XKRX: variants seen among roughly 807,000 people sequenced by gnomAD.
The protein encoded by XKRX is XK related X-linked.
Under a neutral mutation model 22.4 loss-of-function variants are expected in XKRX, and 11 were observed. The ratio of observed to expected loss-of-function variants is 0.49; its 90% CI spans 0.31 to 0.81. XKRX has a LOEUF of 0.81. Among genes scored for constraint, XKRX ranks in the 40% least tolerant of loss-of-function variants. The pLI is 0.05. For missense variants in XKRX, 320 were observed against 336.5 expected (o/e 0.95, Z 0.38); for synonymous variants, 114 against 132.2 (o/e 0.86, Z 0.94).
chrX:100,931,183 G>A (rs183105629), upstream of XKRX, among the ~76,000 whole-genome samples: 180 of 107,299 alleles, frequency 1.7e-3, no homozygotes, highest in East Asian at 0.041. Flanking sequence ...GGAGAGTAAA[G>A]CTAAGAAGAA....
At chrX:100,957,386 T>C in the XKRX span, 1 of 1,207,449 alleles carries the variant, frequency 8.3e-7, no homozygotes, top group South Asian at 1.8e-5. Context: ...GCTGTGCTGA[T>C]GAGCTGACCC....
rs201871158 is a variant in XKRX at position 100,914,625 on chromosome X, C to T, written c.1063G>A (p.Val355Met). The T allele has an allele frequency of 5.8e-6, 7 of 1,211,929 alleles. No individual in the cohort carries two copies. The highest frequency in any genetic ancestry group is 5.6e-6 in the Non-Finnish European group (5 of 895,609). Residue 355 changes from valine (V) to methionine (M), a missense_variant, in exon 3 of 3, where the codon GTG becomes ATG. Transcript: ENST00000372956. ...ATGATCACATTCTCTACCAACCTCA[C>T]ACTATAGTGCAGGCCCATATGTCCC... ...NWGHMGLHYSVRLVENVIMVL... is the reference protein window; with the variant it reads ...NWGHMGLHYSMRLVENVIMVL...
chrX:100,924,467 T>C (rs983404628), intron 1 of XKRX, among the ~76,000 whole-genome samples: 1 of 111,561 alleles, frequency 9.0e-6, no homozygotes, highest in East Asian at 2.8e-4. Context: ...TTTCCTGCTC[T>C]GCCCCTCCCA....
the XKRX span, among the ~76,000 whole-genome samples, chrX:100,899,876 C>T: frequency 2.0e-4 from 22 of 111,562 alleles, no homozygotes; most frequent in African/African-American, 7.2e-4. Flanking sequence ...GAAAAATATC[C>T]CATGTTTATG....
chrX:100,888,003 C>T, the XKRX span: 35 of 1,078,934 alleles, frequency 3.2e-5, no homozygotes, highest in Middle Eastern at 7.0e-4. Context: ...GTTTCCAGAA[C>T]CACTTTGACC....
chrX:100,925,296 G>A (rs765829488), intron 1 of XKRX, among the ~76,000 whole-genome samples: 1 of 111,970 alleles, frequency 8.9e-6, no homozygotes, highest in South Asian at 3.8e-4. Context: ...TTTCATTTCG[G>A]AAGTATGCTT....
the XKRX span, among the ~76,000 whole-genome samples, chrX:100,892,728 G>A: frequency 8.9e-6 from 1 of 112,507 alleles, no homozygotes; most frequent in Non-Finnish European, 1.9e-5. Context: ...TACTGTTAGT[G>A]GGAATGTAAA....
chrX:100,910,585 T>TA (rs36011977), downstream of XKRX: 37,390 of 141,240 alleles, frequency 0.26, 3,942 homozygotes, highest in East Asian at 0.41. Context: ...AATTCCGTCT[T>TA]AAAAAAAAAA....
At chrX:100,911,621 C>A, downstream of XKRX, 1 of 420,418 alleles carries the variant, frequency 2.4e-6, no homozygotes, top group South Asian at 4.1e-5. Context: ...AAATTGCAAA[C>A]ATTAAAATGG....
the XKRX span, chrX:100,887,772 G>A: frequency 1.8e-5 from 15 of 854,823 alleles, no homozygotes; most frequent in African/African-American, 1.4e-4. Flanking sequence ...CTCCCTTCAC[G>A]GGTCCAAAAT....
chrX:100,940,444 C>G, the XKRX span, among the ~76,000 whole-genome samples: 1 of 111,271 alleles, frequency 9.0e-6, no homozygotes, highest in Non-Finnish European at 1.9e-5. Flanking sequence ...CCAAGGGTAC[C>G]AGCCAGAAAG....
the XKRX span, among the ~76,000 whole-genome samples, chrX:100,958,715 A>G: frequency 3.6e-5 from 4 of 111,907 alleles, no homozygotes; most frequent in Non-Finnish European, 7.5e-5. Flanking sequence ...AGAAGAAATT[A>G]TATTCAGATA....
chrX:100,935,494 C>T, the XKRX span, among the ~76,000 whole-genome samples: 1 of 111,959 alleles, frequency 8.9e-6, no homozygotes, highest in Non-Finnish European at 1.9e-5. Context: ...GCCCAATATT[C>T]GCAGCTTTTC....
the XKRX span, among the ~76,000 whole-genome samples, chrX:100,954,193 C>A: frequency 1.8e-5 from 2 of 111,002 alleles, no homozygotes; most frequent in Non-Finnish European, 3.8e-5. Context: ...CCAAGGTGGG[C>A]GGATCATCTG....
chrX:100,889,865 G>A, the XKRX span, among the ~76,000 whole-genome samples: 2 of 111,293 alleles, frequency 1.8e-5, no homozygotes, highest in African/African-American at 3.3e-5. Context: ...TTAGCTGGGC[G>A]TGGTGATGCA....
At chrX:100,945,318 C>T in the XKRX span, among the ~76,000 whole-genome samples, 1 of 109,409 alleles carries the variant, frequency 9.1e-6, no homozygotes, top group African/African-American at 3.3e-5. Flanking sequence ...AAGGTTTTGC[C>T]ATTTTGCCCA....
chrX:100,945,261 C>CAT, the XKRX span, among the ~76,000 whole-genome samples: 1 of 74,519 alleles, frequency 1.3e-5, no homozygotes, highest in African/African-American at 5.0e-5. Context: ...CACACACACA[C>CAT]ACACACACAC....
the XKRX span, among the ~76,000 whole-genome samples, chrX:100,892,373 T>G: frequency 8.9e-6 from 1 of 111,895 alleles, no homozygotes; most frequent in Non-Finnish European, 1.9e-5. Context: ...CCATTCTCCA[T>G]GATGTGATTA....
chrX:100,945,011 A>G, the XKRX span, among the ~76,000 whole-genome samples: 4 of 111,521 alleles, frequency 3.6e-5, no homozygotes, highest in African/African-American at 1.3e-4. Context: ...AACTTTCTAT[A>G]GCAGTCTGTA....
Sources: gnomAD v4.1 joint callset for allele counts (sites outside exome capture counted in the v4.1 genomes callset) on GRCh38, gnomAD v4.1.1 for gene constraint, MANE v1.5 for transcripts, NCBI Gene and HGNC (gene_info 2026-07-23, HGNC 2026-07-21) for gene names.